Variants in RALYL observed in about 807,000 individuals in gnomAD.
The protein encoded by RALYL is RNA-binding Raly-like protein.
Under a neutral mutation model 35.1 loss-of-function variants are expected in RALYL, and 29 were observed. The observed-to-expected ratio is 0.83, with a 90% CI of 0.61 to 1.13. The LOEUF (loss-of-function observed/expected upper bound fraction) is 1.13, where lower values mean the gene tolerates loss of function less well. Among genes scored for constraint, RALYL ranks in the 50% most tolerant of loss-of-function variants. The probability of loss-of-function intolerance (pLI) is 0.00; values close to 1 mark genes in which losing one functional copy is unlikely to be tolerated. For missense variants in RALYL, 359 were observed against 360.4 expected (o/e 1.00, Z 0.03); for synonymous variants, 120 against 127.6 (o/e 0.94, Z 0.40).
chr8:84,512,006 G>T (rs1459704309), intron 1 of RALYL, among the ~76,000 whole-genome samples: 1 of 152,112 alleles, frequency 6.6e-6, no homozygotes, highest in Non-Finnish European at 1.5e-5. Context: ...TAGACGTGGG[G>T]ATACAGGTTC....
At chr8:84,573,753 T>C (rs1167543493) in intron 2 of RALYL, among the ~76,000 whole-genome samples, 1 of 151,980 alleles carries the variant, frequency 6.6e-6, no homozygotes, top group East Asian at 1.9e-4. Context: ...TTGCTATTGC[T>C]GTATTTTCTC....
At chr8:84,539,866 ATATATATATATG>A (rs1564110598) in intron 2 of RALYL, among the ~76,000 whole-genome samples, 77 of 6,434 alleles carry the variant, frequency 0.012, 2 homozygotes, top group Admixed American at 0.028. Context: ...ATATATATAT[ATATATATATATG>A]TATATATATG....
intron 1 of RALYL, among the ~76,000 whole-genome samples, chr8:84,486,574 G>T (rs1024767979): frequency 6.6e-6 from 1 of 151,590 alleles, no homozygotes; most frequent in African/African-American, 2.4e-5. Context: ...CTTTTTATTG[G>T]TTTTAATTTT....
chr8:84,850,171 T>C, intron 5 of RALYL, 144 bp downstream of exon 5: 1 of 449,868 alleles, frequency 2.2e-6, no homozygotes, highest in Non-Finnish European at 3.9e-6. Context: ...CCCAACAAAA[T>C]ATACAGATTT....
chr8:84,191,124 G>A (rs948663460), intron 1 of RALYL, among the ~76,000 whole-genome samples: 40 of 151,418 alleles, frequency 2.6e-4, no homozygotes, highest in African/African-American at 9.7e-4. Flanking sequence ...ATATGATGTG[G>A]CAGCGTCATA....
chr8:84,516,640 T>C (rs1194022471), intron 1 of RALYL, among the ~76,000 whole-genome samples: 31 of 152,154 alleles, frequency 2.0e-4, no homozygotes, highest in Admixed American at 2.0e-3. Context: ...AACTTAAATA[T>C]AAGCAGGAGA....
intron 1 of RALYL, among the ~76,000 whole-genome samples, chr8:84,378,573 G>A (rs1857367547): frequency 6.6e-6 from 1 of 151,760 alleles, no homozygotes; most frequent in Non-Finnish European, 1.5e-5. Context: ...GTAAAATTTC[G>A]CTACAGTTGC....
At chr8:84,188,239 T>C (rs1027918761) in intron 1 of RALYL, among the ~76,000 whole-genome samples, 7 of 152,090 alleles carry the variant, frequency 4.6e-5, no homozygotes, top group African/African-American at 1.7e-4. Flanking sequence ...GATGATTAGC[T>C]GAGACTTTAA....
intron 4 of RALYL, among the ~76,000 whole-genome samples, chr8:84,824,315 G>C (rs1829180488): frequency 6.7e-6 from 1 of 149,746 alleles, no homozygotes; most frequent in Non-Finnish European, 1.5e-5. Context: ...AAGAAGGTGA[G>C]AGATCTCTAC....
At chr8:84,550,356 A>G (rs1297795917) in intron 2 of RALYL, among the ~76,000 whole-genome samples, 2 of 152,096 alleles carry the variant, frequency 1.3e-5, no homozygotes, top group African/African-American at 4.8e-5. Context: ...GCTACAATTA[A>G]CAGTAAAGAT....
chr8:84,221,745 G>C (rs559024759), intron 1 of RALYL, among the ~76,000 whole-genome samples: 60 of 152,066 alleles, frequency 3.9e-4, no homozygotes, highest in Middle Eastern at 6.8e-3. Context: ...AAATTAAAGT[G>C]AGAAAAACTT....
chr8:84,396,944 C>T (rs1245517405), intron 1 of RALYL, among the ~76,000 whole-genome samples: 1 of 152,044 alleles, frequency 6.6e-6, no homozygotes, highest in Non-Finnish European at 1.5e-5. Context: ...TAAATATCAA[C>T]TTCCTAATCC....
At chr8:84,873,015 AT>A (rs1467134078) in intron 6 of RALYL, 59 of 290,306 alleles carry the variant, frequency 2.0e-4, no homozygotes, top group Non-Finnish European at 3.5e-4. Flanking sequence ...TTTAAAAAAT[AT>A]TTCTTAATTC....
At chr8:84,306,859 T>A (rs1319931774) in intron 1 of RALYL, among the ~76,000 whole-genome samples, 5 of 152,192 alleles carry the variant, frequency 3.3e-5, no homozygotes, top group Admixed American at 2.0e-4. Flanking sequence ...GGTGTTTAGA[T>A]CAGGATTAAG....
chr8:84,729,537 G>A (rs1294120945), intron 2 of RALYL, among the ~76,000 whole-genome samples: 1 of 151,940 alleles, frequency 6.6e-6, no homozygotes, highest in East Asian at 1.9e-4. Context: ...TAAAATCAGA[G>A]CAGAACTGAA....
rs1848942440 is a variant in RALYL, at chr8:84,342,277, A to ATATATATATATATATATATAT, written c.-24+157853_-24+157854insTATATATATATATATATATAT. 3.3e-4 allele frequency among the ~76,000 whole-genome samples: 22 copies of ATATATATATATATATATATAT among 66,106 alleles called. 1 individual carries two copies. Among genetic ancestry groups the ATATATATATATATATATATAT allele is most frequent in the African/African-American group, 8.3e-4 (11 of 13,294 alleles). The allele number at this position is 66,106 out of a possible 152,430, so 43.4% of individuals were successfully genotyped here. On this transcript the variant is annotated intron_variant, in intron 1 of 8. Transcript: ENST00000521268. ...TGAGTGAGGGTACAGAGCATCGTTC[A>ATATATATATATATATATATAT]ATATATATATATATATATAAAACTC...
At chr8:84,430,778 C>T (rs1264668828) in intron 1 of RALYL, among the ~76,000 whole-genome samples, 1 of 151,926 alleles carries the variant, frequency 6.6e-6, no homozygotes, top group African/African-American at 2.4e-5. Context: ...AAATTATTTA[C>T]TAACATTCAA....
At chr8:84,262,100 A>G (rs1286889632) in intron 1 of RALYL, among the ~76,000 whole-genome samples, 1 of 152,182 alleles carries the variant, frequency 6.6e-6, no homozygotes, top group Non-Finnish European at 1.5e-5. Context: ...AGAAATTTGT[A>G]TGACACCAGT....
chr8:84,626,085 G>A (rs1279809790), intron 2 of RALYL, among the ~76,000 whole-genome samples: 1 of 152,160 alleles, frequency 6.6e-6, no homozygotes, highest in African/African-American at 2.4e-5. Context: ...AAAATAACAG[G>A]ATGTGATATT....
Sources: gnomAD v4.1 joint callset for allele counts (sites outside exome capture counted in the v4.1 genomes callset) on GRCh38, gnomAD v4.1.1 for gene constraint, MANE v1.5 for transcripts, NCBI Gene and HGNC (gene_info 2026-07-23, HGNC 2026-07-21) for gene names.